ABCC2: variants seen among roughly 807,000 people sequenced by gnomAD.
ABCC2 encodes ATP binding cassette subfamily C member 2, also known as ATP-binding cassette sub-family C member 2.
In ABCC2, 157 loss-of-function variants were observed where a neutral mutation model predicts 173.4. That is an observed-to-expected ratio of 0.91 (90% CI 0.80 to 1.03). The LOEUF (loss-of-function observed/expected upper bound fraction) is 1.03, where lower values mean the gene tolerates loss of function less well. Ranked by LOEUF, ABCC2 falls within the 50% of genes least tolerant of loss-of-function variation. ABCC2 has a pLI of 0.00. For synonymous variants in ABCC2, 657 were observed against 693.5 expected (o/e 0.95, Z 0.83); for missense variants, 1,822 against 1,852.3 (o/e 0.98, Z 0.30).
chr10:99,798,925 C>G (rs1037292499), intron 7 of ABCC2, among the ~76,000 whole-genome samples: 10 of 152,314 alleles, frequency 6.6e-5, no homozygotes, highest in Middle Eastern at 6.8e-3. Context: ...ACTCTCAGGA[C>G]TGCCCCTCAG....
intron 30 of ABCC2, among the ~76,000 whole-genome samples, chr10:99,847,601 T>TA (rs113986415): frequency 0.086 from 11,916 of 137,894 alleles, 709 homozygotes; most frequent in African/African-American, 0.18. Flanking sequence ...AGACTCCGTC[T>TA]AAAAAAAAAA....
chr10:99,802,269 C>T (rs2038027010), intron 9 of ABCC2, among the ~76,000 whole-genome samples: 1 of 152,144 alleles, frequency 6.6e-6, no homozygotes, highest in African/African-American at 2.4e-5. Flanking sequence ...GACAATGCTT[C>T]ACTACTTATG....
intron 19 of ABCC2, among the ~76,000 whole-genome samples, chr10:99,823,403 T>G (rs2038574101): frequency 6.6e-6 from 1 of 152,130 alleles, no homozygotes. Context: ...TTCTTACAGT[T>G]TATTGTAATA....
At chr10:99,833,089 A>G (rs879605644) in intron 23 of ABCC2, among the ~76,000 whole-genome samples, 13 of 152,226 alleles carry the variant, frequency 8.5e-5, no homozygotes, top group Non-Finnish European at 1.6e-4. Context: ...CATAGAAAGT[A>G]TAGCTCACAG....
chr10:99,841,773 C>G (rs541994928), intron 25 of ABCC2, among the ~76,000 whole-genome samples, 194 bp from the exon 26 acceptor site: 11 of 152,252 alleles, frequency 7.2e-5, no homozygotes, highest in African/African-American at 2.4e-4. Context: ...CTTTAAAATG[C>G]AATTTATTTT....
intron 9 of ABCC2, among the ~76,000 whole-genome samples, chr10:99,801,811 G>A (rs2038020427): frequency 6.7e-6 from 1 of 149,482 alleles, no homozygotes; most frequent in Non-Finnish European, 1.5e-5. Flanking sequence ...TTTCTCCTTT[G>A]CTTTCCTCTC....
In ABCC2 at chr10:99,793,947, A is replaced by AGATCCT; in HGVS notation, c.535_540dup (p.Leu179_Ile180dup). ...CTGTTCTTCATCTCCTACGGATTCC[A>AGATCCT]GATCCTGATCCTGATCTTTTCAGCA... On this transcript the variant is annotated inframe_insertion, in exon 5 of 32. Transcript: ENST00000647814. 1 of 1,613,996 alleles carries AGATCCT rather than the reference A, an allele frequency of 6.2e-7. No homozygotes were observed. The highest frequency in any genetic ancestry group is 1.1e-5 in the South Asian group (1 of 91,076).
Position 99,830,455 on chromosome 10 carries a change from CA to C in ABCC2, c.2747+23del, listed in dbSNP as rs750666621. ...GCAGGTTGGCTATCTATTCAGCTGG[CA>C]GCCCTCGTCAGCTCTATATTTCCAC... On this transcript the variant is annotated intron_variant, in intron 20 of 31. Transcript: ENST00000647814. 40 of 1,614,042 alleles carry C rather than the reference CA, an allele frequency of 2.5e-5. 1 individual carries two copies. The South Asian group carries it at 4.4e-4, about 18-fold the overall frequency.
At chr10:99,849,095 A>T (rs1380287327) in intron 30 of ABCC2, among the ~76,000 whole-genome samples, 2 of 152,164 alleles carry the variant, frequency 1.3e-5, no homozygotes, top group African/African-American at 4.8e-5. Flanking sequence ...ATGGTGGCAC[A>T]GGCCTGTAAT....
Position 99,852,520 on chromosome 10 carries a change from T to G in ABCC2, c.*889T>G, listed in dbSNP as rs1450657073. Among the ~76,000 whole-genome samples, 1 of 152,240 alleles carries G rather than the reference T, an allele frequency of 6.6e-6. No individual in the cohort carries two copies. Among genetic ancestry groups the G allele is most frequent in the East Asian group, 1.9e-4 (1 of 5,208 alleles). On this transcript the variant is annotated 3_prime_UTR_variant, in exon 32 of 32. Transcript: ENST00000647814. ...TGTTTCTGTTGGTTTTTACTCATGG[T>G]ATTTTATTTCCTTGTATGTCTTGTG...
chr10:99,797,616 A>G (rs2037941422), intron 7 of ABCC2: 2 of 400,980 alleles, frequency 5.0e-6, no homozygotes, highest in South Asian at 5.0e-5. Context: ...CTTGGTACAA[A>G]TTAGCATAAG....
In ABCC2 at chr10:99,792,358, G is replaced by T; in HGVS notation, c.332G>T (p.Trp111Leu). Residue 111 changes from tryptophan to leucine, a missense_variant and splice_region_variant, in exon 3 of 32, where the codon TGG (tryptophan) becomes TTG (leucine). Physicochemically the swap from Trp to Leu is moderately conservative, Grantham distance 61. Transcript: ENST00000647814. ...YTNPSLYLGT[W>L]LLVLLIQYSR... Reference sequence around the variant, plus strand: ...AATCCAAGCCTCTACCTAGGCACATGGGTAAGACCTATACCACTTCTGCCC... The same window carrying T: ...AATCCAAGCCTCTACCTAGGCACATTGGTAAGACCTATACCACTTCTGCCC... The T allele has an allele frequency of 1.2e-6, 2 of 1,613,922 alleles. No individual in the cohort carries two copies. Among genetic ancestry groups the T allele is most frequent in the Non-Finnish European group, 1.7e-6 (2 of 1,179,878 alleles).
At chr10:99,787,472 C>G (rs571626007) in intron 2 of ABCC2, among the ~76,000 whole-genome samples, 1 of 151,934 alleles carries the variant, frequency 6.6e-6, no homozygotes, top group Non-Finnish European at 1.5e-5. Flanking sequence ...GGGACGGAGT[C>G]TCGTTCTGTC....
intron 26 of ABCC2, 131 bp downstream of exon 26, chr10:99,842,224 AC>A (rs2038959333): frequency 7.6e-7 from 1 of 1,308,402 alleles, no homozygotes; most frequent in South Asian, 1.2e-5. Context: ...TGAGGTTCAA[AC>A]CCTGGCTCCA....
In ABCC2 at chr10:99,805,443, T is replaced by A; in HGVS notation, c.1526T>A (p.Ile509Asn). 1 of 1,613,924 alleles carries A rather than the reference T, an allele frequency of 6.2e-7. No homozygotes were observed. Among genetic ancestry groups the A allele is most frequent in the Non-Finnish European group, 8.5e-7 (1 of 1,179,856 alleles). The change falls in exon 11 of 32, where the codon ATC (isoleucine) becomes AAC (asparagine). Residue 509 changes from isoleucine to asparagine, a missense_variant. Ile to Asn is a moderately radical substitution (Grantham distance 149, BLOSUM62 -3). Transcript: ENST00000647814. ...LKIMNEILSG[I>N]KILKYFAWEP... ...ATCATGAATGAGATTCTTAGTGGAA[T>A]CAAGGTGAGAATCTGAGCGTAGGTG...
chr10:99,804,516 C>T (rs560741954), intron 10 of ABCC2, among the ~76,000 whole-genome samples: 5 of 152,204 alleles, frequency 3.3e-5, no homozygotes, highest in Admixed American at 1.3e-4. Flanking sequence ...GGAAGGGCTA[C>T]CCCAGAGATG....
chr10:99,800,066 G>A (rs1171739219), intron 8 of ABCC2, among the ~76,000 whole-genome samples: 2 of 152,196 alleles, frequency 1.3e-5, no homozygotes, highest in Non-Finnish European at 2.9e-5. Context: ...TAGATGCGAT[G>A]GCGTATGCCT....
chr10:99,824,181 T>C (rs1362811583), intron 19 of ABCC2, among the ~76,000 whole-genome samples: 1 of 152,160 alleles, frequency 6.6e-6, no homozygotes, highest in Non-Finnish European at 1.5e-5. Flanking sequence ...AGAGAACAAA[T>C]TTGACATGGC....
At chr10:99,814,365 A>T (rs559234497) in intron 16 of ABCC2, among the ~76,000 whole-genome samples, 1 of 84,796 alleles carries the variant, frequency 1.2e-5, no homozygotes, top group African/African-American at 4.3e-5. Flanking sequence ...GTATACACAC[A>T]TGTATATATA....
Sources: allele counts gnomAD v4.1 joint callset (sites outside exome capture counted in the v4.1 genomes callset), GRCh38; gene constraint gnomAD v4.1.1; transcripts MANE v1.5; gene names NCBI Gene and HGNC (gene_info 2026-07-23, HGNC 2026-07-21).